ANK3: variants seen among roughly 807,000 people sequenced by gnomAD.
ANK3 encodes the protein ankyrin-3.
ANK3 carries 57 observed loss-of-function variants against 370.9 expected under a neutral mutation model. The ratio of observed to expected loss-of-function variants is 0.15; its 90% CI spans 0.12 to 0.19. The LOEUF is 0.19. ANK3 is among the 10% of genes least tolerant of loss of function. ANK3 has a pLI of 1.00. For synonymous variants in ANK3, 1,929 were observed against 1,946.3 expected, an observed-to-expected ratio of 0.99 and a Z score of 0.23; for missense variants, 4,439 against 5,302.1, an observed-to-expected ratio of 0.84 and a Z score of 5.06.
At chr10:60,580,115 CTT>C (rs2077731107) in intron 2 of ANK3, among the ~76,000 whole-genome samples, 3 of 152,114 alleles carry the variant, frequency 2.0e-5, no homozygotes, top group African/African-American at 4.8e-5. Flanking sequence ...GTAGAACACT[CTT>C]CATATTTCTT....
chr10:60,212,298 T>A (rs2096869801), intron 9 of ANK3, among the ~76,000 whole-genome samples: 1 of 152,090 alleles, frequency 6.6e-6, no homozygotes, highest in Non-Finnish European at 1.5e-5. Context: ...TGACAGTTTA[T>A]ATGGCCACTC....
intron 16 of ANK3, among the ~76,000 whole-genome samples, chr10:60,192,581 C>T (rs1412092606): frequency 1.3e-5 from 2 of 152,058 alleles, no homozygotes; most frequent in Admixed American, 1.3e-4. Flanking sequence ...CCATTATCTT[C>T]AGTAAAATAA....
intron 2 of ANK3, among the ~76,000 whole-genome samples, chr10:60,444,536 T>C (rs148709837): frequency 0.013 from 1,912 of 151,978 alleles, 49 homozygotes; most frequent in African/African-American, 0.044. Context: ...AGTAAATGTT[T>C]TCCATTCACC....
intron 2 of ANK3, among the ~76,000 whole-genome samples, chr10:60,500,240 A>T (rs1344656716): frequency 6.6e-6 from 1 of 152,154 alleles, no homozygotes; most frequent in Non-Finnish European, 1.5e-5. Context: ...CGGCCTTACT[A>T]ACTAAATTTT....
At chr10:60,562,325 T>A (rs2077354335) in intron 2 of ANK3, among the ~76,000 whole-genome samples, 2 of 152,182 alleles carry the variant, frequency 1.3e-5, no homozygotes, top group Non-Finnish European at 2.9e-5. Flanking sequence ...AAAGTTTTGT[T>A]TTTCTTATGG....
Position 60,056,032 on chromosome 10 carries a change from C to A in ANK3, c.12691G>T (p.Asp4231Tyr). 2 of 1,604,796 alleles carry A rather than the reference C, an allele frequency of 1.2e-6. No homozygotes were observed. Among genetic ancestry groups the A allele is most frequent in the South Asian group, 2.2e-5 (2 of 89,756 alleles). The change falls in exon 42 of 44, where the codon GAC becomes TAC. Residue 4231 changes from aspartate (D) to tyrosine (Y), a missense_variant. Physicochemically the swap from Asp to Tyr is radical, Grantham distance 160. Transcript: ENST00000280772. Reference protein sequence around the residue: ...GLLDRLDDSPDQCRDSITSYL... With the variant: ...GLLDRLDDSPYQCRDSITSYL... ...GAGGTAATGGAATCTCTACACTGGT[C>A]AGGGCTGCAACAGAAAATTTGCAAA...
At chr10:60,352,086 G>T (rs2056973061) in intron 1 of ANK3, among the ~76,000 whole-genome samples, 1 of 152,114 alleles carries the variant, frequency 6.6e-6, no homozygotes, top group South Asian at 2.1e-4. Flanking sequence ...ACCTGAAGTT[G>T]GGAGTTCGAG....
intron 2 of ANK3, among the ~76,000 whole-genome samples, chr10:60,595,354 G>T (rs1396638999): frequency 6.6e-6 from 1 of 152,090 alleles, no homozygotes; most frequent in Admixed American, 6.6e-5. Context: ...CAGGCAGGGG[G>T]TTAGGAAATG....
intron 16 of ANK3, 21 bp from the exon 17 acceptor site, chr10:60,186,933 G>A: frequency 3.7e-6 from 6 of 1,610,954 alleles, no homozygotes; most frequent in Non-Finnish European, 5.1e-6. Context: ...AAATCACTTG[G>A]TCACATGCCC....
In ANK3 at chr10:60,061,528, T is replaced by G. The variant is rs142311976; in HGVS notation, c.12595+1583A>C. On this transcript the variant is annotated intron_variant, in intron 40 of 43. Transcript: ENST00000280772. ...TATAAACTATAACTTATCAATAATTTAAAATTTGATAAGATGATCTATATT... is the reference window on the plus strand; with the variant it reads ...TATAAACTATAACTTATCAATAATTGAAAATTTGATAAGATGATCTATATT... Among the ~76,000 whole-genome samples the G allele has an allele frequency of 3.8e-3, 584 of 152,282 alleles. 6 individuals are homozygous for G. The highest frequency in any genetic ancestry group is 0.014 in the African/African-American group (567 of 41,570).
At chr10:60,286,224 C>T (rs2098243399) in intron 1 of ANK3, among the ~76,000 whole-genome samples, 1 of 152,128 alleles carries the variant, frequency 6.6e-6, no homozygotes, top group Non-Finnish European at 1.5e-5. Context: ...TTTAGTTAAT[C>T]ACTCTCATGC....
intron 2 of ANK3, among the ~76,000 whole-genome samples, chr10:60,542,523 G>C (rs2133217933): frequency 6.6e-6 from 1 of 151,862 alleles, no homozygotes; most frequent in East Asian, 1.9e-4. Flanking sequence ...ATACCTTATA[G>C]CAGATGTGGA....
intron 23 of ANK3, among the ~76,000 whole-genome samples, chr10:60,163,001 G>A (rs2095535492): frequency 6.6e-6 from 1 of 152,096 alleles, no homozygotes; most frequent in Non-Finnish European, 1.5e-5. Flanking sequence ...TAAGATCAGA[G>A]TTGAACCAAA....
chr10:60,559,519 C>T (rs7070867), intron 2 of ANK3, among the ~76,000 whole-genome samples: 59,386 of 152,014 alleles, frequency 0.39, 12,214 homozygotes, highest in Non-Finnish European at 0.45. Context: ...GTTTCTAATC[C>T]TTACATTAAG....
rs145659980 is a variant in ANK3, at chr10:60,303,564, C to G, written c.115-23925G>C. ...TATGACCTCACACCACTTAGAATAG[C>G]TATTATTAAAAAAACAACAGATAAT... On this transcript the variant is annotated intron_variant, in intron 1 of 43. Coordinates refer to ENST00000280772, the MANE Select transcript of ANK3 (RefSeq NM_020987.5). 6.6e-3 allele frequency among the ~76,000 whole-genome samples: 1,005 copies of G among 151,904 alleles called. 8 individuals carry two copies. Among genetic ancestry groups the G allele is most frequent in the South Asian group, 0.035 (169 of 4,804 alleles).
chr10:60,623,638 A>G (rs902853954), intron 1 of ANK3, among the ~76,000 whole-genome samples: 3 of 152,230 alleles, frequency 2.0e-5, no homozygotes, highest in Non-Finnish European at 4.4e-5. Context: ...AATGACTAAG[A>G]CTATTCATTA....
rs1441062109 is a variant in ANK3 at position 60,109,045 on chromosome 10, A to C, written c.2958T>G (p.Val986=). 6.2e-7 allele frequency: 1 copy of C among 1,612,876 alleles called. No homozygotes were observed. The highest frequency in any genetic ancestry group is 8.5e-7 in the Non-Finnish European group (1 of 1,179,822). ...CCCCTCTCGCGTCCACCATAAAGCT[A>C]ACCAGAAACCTGAGGGGAGAAGATC... ...VSSPIHSGFL[V]SFMVDARGGS... The change falls in exon 27 of 44, where the codon GTT becomes GTG. Residue 986 remains valine (V), a synonymous_variant. Transcript: ENST00000280772.
chr10:60,356,326 C>T (rs868022434), intron 1 of ANK3, among the ~76,000 whole-genome samples: 1 of 152,202 alleles, frequency 6.6e-6, no homozygotes, highest in African/African-American at 2.4e-5. Context: ...GTGCATGTAT[C>T]TATATACTGG....
chr10:60,132,382 C>T (rs994594742), intron 25 of ANK3, among the ~76,000 whole-genome samples: 1 of 152,042 alleles, frequency 6.6e-6, no homozygotes, highest in Non-Finnish European at 1.5e-5. Flanking sequence ...GTGCTGTTCT[C>T]GTGATACTGA....
Sources: gnomAD v4.1 joint callset for allele counts (sites outside exome capture counted in the v4.1 genomes callset) on GRCh38, gnomAD v4.1.1 for gene constraint, MANE v1.5 for transcripts, NCBI Gene and HGNC (gene_info 2026-07-23, HGNC 2026-07-21) for gene names.